FRY: variants seen among roughly 807,000 people sequenced by gnomAD.
The protein encoded by FRY is protein furry homolog.
A neutral mutation model predicts 348.4 loss-of-function variants in FRY; 128 were observed. The ratio of observed to expected loss-of-function variants is 0.37; its 90% CI spans 0.32 to 0.43. The LOEUF is 0.43. Among genes scored for constraint, FRY ranks in the 20% least tolerant of loss-of-function variants. The pLI is 1.00. For missense variants in FRY, 2,736 were observed against 3,695.2 expected (o/e 0.74, Z 6.73); for synonymous variants, 1,370 against 1,374.7 (o/e 1.00, Z 0.08).
intron 1 of FRY, among the ~76,000 whole-genome samples, chr13:32,078,262 C>A (rs1015997242): frequency 2.0e-5 from 3 of 152,160 alleles, no homozygotes; most frequent in Admixed American, 2.0e-4. Flanking sequence ...AAACCCAAAC[C>A]TTGGACGGCA....
At chr13:32,062,962 G>A (rs1383623396) in intron 1 of FRY, among the ~76,000 whole-genome samples, 1 of 151,634 alleles carries the variant, frequency 6.6e-6, no homozygotes, top group Admixed American at 6.6e-5. Context: ...ATATGTATGT[G>A]TATATATTTT....
At chr13:32,122,492 T>C (rs1878732031) in intron 4 of FRY, among the ~76,000 whole-genome samples, 1 of 151,670 alleles carries the variant, frequency 6.6e-6, no homozygotes, top group Non-Finnish European at 1.5e-5. Flanking sequence ...GGCATCTCTT[T>C]ATGATTAAAA....
At chr13:32,180,413 A>G (rs901072917) in intron 23 of FRY, among the ~76,000 whole-genome samples, 3 of 151,930 alleles carry the variant, frequency 2.0e-5, no homozygotes, top group Admixed American at 6.6e-5. Context: ...GTTTGTATTT[A>G]TAGTAGAGAC....
chr13:32,037,647 A>G (rs1479916233), intron 1 of FRY, among the ~76,000 whole-genome samples: 1 of 152,220 alleles, frequency 6.6e-6, no homozygotes, highest in Non-Finnish European at 1.5e-5. Context: ...TAATTTTACA[A>G]TCTGAGAACA....
At chr13:32,230,337 T>C (rs1885840035) in intron 40 of FRY, among the ~76,000 whole-genome samples, 1 of 152,252 alleles carries the variant, frequency 6.6e-6, no homozygotes, top group African/African-American at 2.4e-5. Context: ...TGTCTGTTCC[T>C]GCGTTAGTTT....
chr13:32,215,450 A>C (rs1317903895), intron 35 of FRY, among the ~76,000 whole-genome samples: 1 of 152,242 alleles, frequency 6.6e-6, no homozygotes, highest in African/African-American at 2.4e-5. Context: ...AAAATGTAAC[A>C]GAAAGTACAC....
At chr13:32,056,952 C>T (rs454562) in intron 1 of FRY, among the ~76,000 whole-genome samples, 151,362 of 152,226 alleles carry the variant, frequency 0.99, 75,261 homozygotes, top group Middle Eastern at 1. Context: ...AGAATCATCA[C>T]CAGCAAGTGT....
At chr13:32,128,728 T>C (rs1879175329) in intron 7 of FRY, among the ~76,000 whole-genome samples, 1 of 152,244 alleles carries the variant, frequency 6.6e-6, no homozygotes, top group Non-Finnish European at 1.5e-5. Context: ...TGAAATGGTA[T>C]AATCGCTTAA....
At chr13:32,173,270 A>T in intron 18 of FRY, 97 bp from the exon 19 acceptor site, 1 of 845,560 alleles carries the variant, frequency 1.2e-6, no homozygotes. Flanking sequence ...TTTAATATTT[A>T]CAAGGTCAAA....
chr13:32,055,732 A>G (rs1416527210), intron 1 of FRY, among the ~76,000 whole-genome samples: 3 of 152,240 alleles, frequency 2.0e-5, no homozygotes, highest in East Asian at 3.8e-4. Flanking sequence ...GGAATTACAC[A>G]TATAGAACTG....
intron 55 of FRY, among the ~76,000 whole-genome samples, 176 bp from the exon 56 acceptor site, chr13:32,274,666 T>A (rs1448395879): frequency 3.3e-5 from 4 of 121,652 alleles, no homozygotes; most frequent in African/African-American, 1.3e-4. Context: ...ATCGCGCCAC[T>A]GCACTCCAGC....
intron 36 of FRY, among the ~76,000 whole-genome samples, chr13:32,221,520 A>G (rs1885312933): frequency 6.6e-6 from 1 of 152,112 alleles, no homozygotes; most frequent in African/African-American, 2.4e-5. Context: ...TTTTATTTTT[A>G]TTATTGTTTT....
chr13:32,114,399 A>T (rs1593628365), intron 3 of FRY, among the ~76,000 whole-genome samples: 1 of 152,180 alleles, frequency 6.6e-6, no homozygotes, highest in African/African-American at 2.4e-5. Flanking sequence ...ATTGCAAAGG[A>T]TATAGATGAA....
At chr13:32,065,676 C>T (rs754160916) in intron 1 of FRY, among the ~76,000 whole-genome samples, 5 of 152,166 alleles carry the variant, frequency 3.3e-5, no homozygotes, top group Admixed American at 1.3e-4. Flanking sequence ...TCATAGCTCA[C>T]TGCAGTCTTG....
intron 3 of FRY, among the ~76,000 whole-genome samples, chr13:32,104,581 C>A (rs1443730013): frequency 6.6e-6 from 1 of 152,170 alleles, no homozygotes; most frequent in East Asian, 1.9e-4. Context: ...ATCATAAACT[C>A]ACAAATGAAC....
intron 3 of FRY, among the ~76,000 whole-genome samples, chr13:32,102,739 A>C (rs1036583369): frequency 6.6e-6 from 1 of 152,234 alleles, no homozygotes; most frequent in Non-Finnish European, 1.5e-5. Flanking sequence ...GGCCCTAGGC[A>C]TGTTTAAAAA....
chr13:32,190,962 A>ATTCTTGGTCTCTC (rs1286635562), intron 28 of FRY, among the ~76,000 whole-genome samples: 2 of 152,228 alleles, frequency 1.3e-5, no homozygotes, highest in Non-Finnish European at 2.9e-5. Context: ...ATAAGTATAT[A>ATTCTTGGTCTCTC]TACCAATGGA....
chr13:32,190,982 G>C (rs890385330), intron 28 of FRY, among the ~76,000 whole-genome samples: 11 of 152,092 alleles, frequency 7.2e-5, no homozygotes, highest in African/African-American at 2.7e-4. Context: ...AGTAGAATAG[G>C]GAGGCCAGAA....
At chr13:32,140,838 G>A (rs967407461) in intron 11 of FRY, among the ~76,000 whole-genome samples, 2 of 152,086 alleles carry the variant, frequency 1.3e-5, no homozygotes, top group Non-Finnish European at 2.9e-5. Flanking sequence ...TCACATAATA[G>A]TAAGTTTATT....
Sources: gnomAD v4.1 joint callset for allele counts (sites outside exome capture counted in the v4.1 genomes callset) on GRCh38, gnomAD v4.1.1 for gene constraint, MANE v1.5 for transcripts, NCBI Gene and HGNC (gene_info 2026-07-23, HGNC 2026-07-21) for gene names.